ELP4: variants seen among roughly 807,000 people sequenced by gnomAD.
ELP4 encodes the protein elongator acetyltransferase complex subunit 4, also known as elongator complex protein 4.
A neutral mutation model predicts 48.9 loss-of-function variants in ELP4; 51 were observed. The ratio of observed to expected loss-of-function variants is 1.04; its 90% CI spans 0.83 to 1.32. The LOEUF (loss-of-function observed/expected upper bound fraction) is 1.32, where lower values mean the gene tolerates loss of function less well. ELP4 is among the 40% of genes most tolerant of loss of function. The pLI, the probability that ELP4 is intolerant of heterozygous loss-of-function variation, is 0.00. For synonymous variants in ELP4, 210 were observed against 189.2 expected (o/e 1.11, Z -0.90); for missense variants, 519 against 514.6 (o/e 1.01, Z -0.08).
At chr11:31,511,007 C>G (rs1462698364) in intron 1 of ELP4, 1 of 152,154 alleles carries the variant, frequency 6.6e-6, no homozygotes, top group Non-Finnish European at 1.5e-5. Context: ...TTTGACATTT[C>G]TTTCGGTTAT....
At chr11:31,630,227 C>CT (rs11441798) in intron 6 of ELP4, among the ~76,000 whole-genome samples, 53,360 of 128,160 alleles carry the variant, frequency 0.42, 11,387 homozygotes, top group African/African-American at 0.51. Context: ...TTCTAAAATC[C>CT]TTTTTTTTTT....
At chr11:31,699,332 G>A (rs959019106) in intron 9 of ELP4, among the ~76,000 whole-genome samples, 1 of 152,042 alleles carries the variant, frequency 6.6e-6, no homozygotes, top group African/African-American at 2.4e-5. Context: ...ACATGGCCCA[G>A]GATTTAATTC....
rs189220045 is a variant in ELP4, at chr11:31,787,996, C to T, written c.*4472C>T. The T allele has an allele frequency of 4.7e-4, 105 of 222,244 alleles. No individual in the cohort carries two copies. Among genetic ancestry groups the T allele is most frequent in the Non-Finnish European group, 7.8e-4 (87 of 111,152 alleles). 13.8% of individuals were successfully genotyped at this position (222,244 alleles called of 1,614,324 possible). A position where few individuals can be genotyped will look rare whatever the true frequency, so the allele number is the denominator to read the frequency against. On this transcript the variant is annotated 3_prime_UTR_variant, in exon 10 of 10. Transcript: ENST00000640961. ...CATTTTAATCTAGACTGCCAGAACC[C>T]CCAGGCTTTTTAGTGAAGTTTGCAG... is the stretch of plus-strand genomic sequence containing the variant.
Position 31,783,522 on chromosome 11 carries a change from T to C in ELP4, c.1273T>C (p.Ter425GlnextTer15). The C allele has an allele frequency of 6.2e-7, 1 of 1,613,790 alleles. No individual in the cohort carries two copies. Among genetic ancestry groups the C allele is most frequent in the South Asian group, 1.1e-5 (1 of 91,052 alleles). ...MAGGKKHLDF[*>Q] ...CGGAGGCAAGAAGCACCTGGACTTC[T>C]AGGGATTCCTCCTTAGTCGCTGCAT... The change falls in exon 10 of 10, where the codon TAG becomes CAG. Residue 425 changes from the stop codon to glutamine (Q), a stop_lost. Transcript: ENST00000640961.
At chr11:31,595,759 G>A (rs1236446297) in intron 4 of ELP4, among the ~76,000 whole-genome samples, 1 of 152,102 alleles carries the variant, frequency 6.6e-6, no homozygotes, top group African/African-American at 2.4e-5. Context: ...GGAATGTTCT[G>A]GGTAGCCGCT....
intron 5 of ELP4, among the ~76,000 whole-genome samples, chr11:31,623,375 ATAT>A (rs1565084176): frequency 8.9e-6 from 1 of 112,934 alleles, no homozygotes; most frequent in Non-Finnish European, 1.8e-5. Flanking sequence ...ATATATATAT[ATAT>A]ATATATATAT....
At chr11:31,752,479 G>T (rs1412684208) in intron 9 of ELP4, among the ~76,000 whole-genome samples, 2 of 152,050 alleles carry the variant, frequency 1.3e-5, no homozygotes, top group East Asian at 1.9e-4. Context: ...GGTCTATTTT[G>T]CATTGTTACT....
chr11:31,714,036 TATAAGAG>T (rs1466427061), intron 9 of ELP4, among the ~76,000 whole-genome samples: 2 of 152,068 alleles, frequency 1.3e-5, no homozygotes, highest in African/African-American at 2.4e-5. Flanking sequence ...GTAGAAATAT[TATAAGAG>T]ATTTAGGGGT....
intron 9 of ELP4, among the ~76,000 whole-genome samples, chr11:31,760,445 A>T (rs549706236): frequency 6.6e-6 from 1 of 152,274 alleles, no homozygotes; most frequent in African/African-American, 2.4e-5. Flanking sequence ...TGCCATCCTG[A>T]TTTTATCTTT....
chr11:31,564,903 G>T (rs1160115421), intron 3 of ELP4, among the ~76,000 whole-genome samples: 1 of 152,176 alleles, frequency 6.6e-6, no homozygotes, highest in African/African-American at 2.4e-5. Context: ...GTAATGGGAT[G>T]GCTGGGTCAA....
intron 3 of ELP4, among the ~76,000 whole-genome samples, chr11:31,548,473 A>G (rs1479443647): frequency 6.6e-6 from 1 of 151,764 alleles, no homozygotes; most frequent in East Asian, 1.9e-4. Context: ...CCACTGCTCA[A>G]TGAAATAAAA....
intron 9 of ELP4, among the ~76,000 whole-genome samples, chr11:31,744,956 G>A (rs1488843816): frequency 6.6e-6 from 1 of 152,154 alleles, no homozygotes. Context: ...AATTGTCCCT[G>A]TTTGCAGATG....
chr11:31,779,447 T>G (rs909051614), intron 9 of ELP4, among the ~76,000 whole-genome samples: 1 of 152,164 alleles, frequency 6.6e-6, no homozygotes, highest in Non-Finnish European at 1.5e-5. Flanking sequence ...CTTATGTGTC[T>G]ATAGGATCAA....
chr11:31,603,639 G>A (rs1004358337), intron 4 of ELP4, 129 bp from the exon 5 acceptor site: 4 of 788,446 alleles, frequency 5.1e-6, no homozygotes, highest in African/African-American at 3.5e-5. Flanking sequence ...TTTACTTAGT[G>A]TATGTATATC....
chr11:31,752,401 T>G (rs1226015098), intron 9 of ELP4, among the ~76,000 whole-genome samples: 1 of 152,154 alleles, frequency 6.6e-6, no homozygotes, highest in Non-Finnish European at 1.5e-5. Flanking sequence ...GAGAATATAT[T>G]TTTCTTAATG....
Position 31,790,108 on chromosome 11 carries a change from A to AAC in ELP4, c.*6585_*6586insCA. Reference sequence around the variant, plus strand: ...AATTTATAGGTTTACAAAAAAAAAAAAAAAAAAAAAAACTAATACTTTCTA... The same window carrying AAC: ...AATTTATAGGTTTACAAAAAAAAAAAACAAAAAAAAAAAACTAATACTTTCTA... On this transcript the variant is annotated 3_prime_UTR_variant, in exon 10 of 10. Coordinates refer to ENST00000640961, the MANE Select transcript of ELP4 (RefSeq NM_019040.5). 1.3e-6 allele frequency: 1 copy of AAC among 794,466 alleles called. No individual in the cohort carries two copies. The highest frequency in any genetic ancestry group is 2.0e-6 in the Non-Finnish European group (1 of 489,994). The allele number at this position is 794,466 out of a possible 1,614,324, so 49.2% of individuals were successfully genotyped here.
chr11:31,554,021 T>C (rs1361964760), intron 3 of ELP4, among the ~76,000 whole-genome samples: 1 of 152,188 alleles, frequency 6.6e-6, no homozygotes, highest in African/African-American at 2.4e-5. Context: ...TATTGTGAAC[T>C]GCCTATGCAG....
chr11:31,625,789 ATG>A (rs1188638362), intron 5 of ELP4, among the ~76,000 whole-genome samples: 2 of 151,790 alleles, frequency 1.3e-5, no homozygotes, highest in Non-Finnish European at 2.9e-5. Context: ...CTACTGCACT[ATG>A]TTCTGAAAAG....
chr11:31,619,030 G>A (rs943989525), intron 5 of ELP4, among the ~76,000 whole-genome samples: 20 of 152,072 alleles, frequency 1.3e-4, no homozygotes, highest in Non-Finnish European at 2.4e-4. Context: ...GAAAATGTAA[G>A]GAGAGGATTG....
Sources: gnomAD v4.1 joint callset for allele counts (sites outside exome capture counted in the v4.1 genomes callset) on GRCh38, gnomAD v4.1.1 for gene constraint, MANE v1.5 for transcripts, NCBI Gene and HGNC (gene_info 2026-07-23, HGNC 2026-07-21) for gene names.